Variants in TMEM71 observed in about 807,000 individuals in gnomAD.
TMEM71 encodes the protein transmembrane protein 71.
In TMEM71, 44 loss-of-function variants were observed where a neutral mutation model predicts 38.0. That is an observed-to-expected ratio of 1.16 (90% CI 0.91 to 1.49). The LOEUF is 1.49. Among genes scored for constraint, TMEM71 ranks in the 40% most tolerant of loss-of-function variants. The pLI is 0.00. For missense variants in TMEM71, 367 were observed against 348.6 expected, an observed-to-expected ratio of 1.05 and a Z score of -0.42; for synonymous variants, 133 against 122.5, an observed-to-expected ratio of 1.09 and a Z score of -0.56.
chr8:132,747,071 G>C lies in TMEM71; in HGVS notation c.358C>G (p.Leu120Val). The C allele has an allele frequency of 1.2e-6, 2 of 1,612,488 alleles. No individual in the cohort carries two copies. Reference sequence around the variant, plus strand: ...GATTTGGAGGTACTGAGGTTGAAGAGAGAAGAAAAGGAATGGCAGATTCTC... The same window carrying C: ...GATTTGGAGGTACTGAGGTTGAAGACAGAAGAAAAGGAATGGCAGATTCTC... ...KKRICHSFSSLFNLSTSKSWL... is the reference protein window; with the variant it reads ...KKRICHSFSSVFNLSTSKSWL... The change falls in exon 5 of 10, where the codon CTC (leucine) becomes GTC (valine). Residue 120 changes from leucine (L) to valine (V), a missense_variant. Leu to Val is a conservative substitution (Grantham distance 32). Transcript: ENST00000677595.
chr8:132,762,664 G>A (rs992517577), upstream of TMEM71, among the ~76,000 whole-genome samples: 4 of 152,146 alleles, frequency 2.6e-5, no homozygotes, highest in Admixed American at 2.0e-4. Context: ...TTTTACAGAA[G>A]AGCAAACTGA....
intron 3 of TMEM71, among the ~76,000 whole-genome samples, chr8:132,752,413 A>G (rs1329113430): frequency 6.6e-6 from 1 of 152,196 alleles, no homozygotes; most frequent in Non-Finnish European, 1.5e-5. Context: ...TGTAGCCACC[A>G]GAAACACGGT....
Position 132,710,186 on chromosome 8 carries a change from G to T in TMEM71, c.*781C>A, listed in dbSNP as rs1032062378. ...GAACATCTACAGCCCTTGAGTCAAG[G>T]CTCAAGGGTACAACTGCACCATTTT... On this transcript the variant is annotated 3_prime_UTR_variant, in exon 10 of 10. Coordinates refer to ENST00000677595, the MANE Select transcript of TMEM71 (RefSeq NM_001382403.1). 1.3e-5 allele frequency: 2 copies of T among 152,058 alleles called. No homozygotes were observed. Among genetic ancestry groups the T allele is most frequent in the African/African-American group, 4.8e-5 (2 of 41,436 alleles). The allele number at this position is 152,058 out of a possible 1,614,324, so 9.4% of individuals were successfully genotyped here. A position where few individuals can be genotyped will look rare whatever the true frequency, so the allele number is the denominator to read the frequency against.
chr8:132,747,147 A>G, intron 4 of TMEM71, 33 bp from the exon 5 acceptor site: 1 of 1,524,824 alleles, frequency 6.6e-7, no homozygotes, highest in Non-Finnish European at 8.8e-7. Context: ...TGAACAACGA[A>G]TAATAGTTAC....
chr8:132,748,732 G>A (rs990885220), intron 4 of TMEM71, among the ~76,000 whole-genome samples: 1 of 152,106 alleles, frequency 6.6e-6, no homozygotes, highest in African/African-American at 2.4e-5. Flanking sequence ...TATGGGATGG[G>A]CACTCATCAA....
At chr8:132,768,374 G>A in the TMEM71 span, among the ~76,000 whole-genome samples, 3 of 152,044 alleles carry the variant, frequency 2.0e-5, no homozygotes, top group South Asian at 2.1e-4. Flanking sequence ...AGCAGGGCAC[G>A]GTGGCTTACG....
In TMEM71 at chr8:132,714,072, A is replaced by G; in HGVS notation, c.815-20T>C. 4.3e-6 allele frequency: 7 copies of G among 1,613,996 alleles called. No homozygotes were observed. Among genetic ancestry groups the G allele is most frequent in the Non-Finnish European group, 5.9e-6 (7 of 1,179,884 alleles). ...TCACATCTTGAGTGAAACAGAGAAA[A>G]TATTTTAAAATCATTTTAAAGTGAC... is the stretch of plus-strand genomic sequence containing the variant. On this transcript the variant is annotated intron_variant, in intron 8 of 9. Coordinates refer to ENST00000677595, the MANE Select transcript of TMEM71 (RefSeq NM_001382403.1).
chr8:132,762,171 T>A (rs1308906065), upstream of TMEM71, among the ~76,000 whole-genome samples: 1 of 152,256 alleles, frequency 6.6e-6, no homozygotes, highest in Admixed American at 6.5e-5. Context: ...TTGCTGACTC[T>A]CTGCTGCTTT....
At chr8:132,775,421 C>T in the TMEM71 span, 4 of 385,200 alleles carry the variant, frequency 1.0e-5, no homozygotes, top group Non-Finnish European at 9.1e-6. Flanking sequence ...GCGGCGGCGG[C>T]GGCGATGGCA....
At chr8:132,730,355 T>C (rs1478217609) in intron 5 of TMEM71, among the ~76,000 whole-genome samples, 1 of 152,150 alleles carries the variant, frequency 6.6e-6, no homozygotes, top group Admixed American at 6.5e-5. Flanking sequence ...ACATAAAAGC[T>C]CTCTGTGGAA....
chr8:132,756,411 T>TTATATATA (rs55767264), intron 3 of TMEM71, among the ~76,000 whole-genome samples: 6,063 of 115,238 alleles, frequency 0.053, 254 homozygotes, highest in East Asian at 0.1. Flanking sequence ...AACATATATA[T>TTATATATA]TATATATATA....
At chr8:132,744,231 T>C (rs899704263) in intron 5 of TMEM71, among the ~76,000 whole-genome samples, 2 of 152,194 alleles carry the variant, frequency 1.3e-5, no homozygotes, top group Non-Finnish European at 2.9e-5. Context: ...GTTTCCATTC[T>C]AGTAATAAAA....
At chr8:132,740,231 C>A (rs1389041426) in intron 5 of TMEM71, among the ~76,000 whole-genome samples, 4 of 152,148 alleles carry the variant, frequency 2.6e-5, no homozygotes, top group African/African-American at 9.7e-5. Flanking sequence ...GGCTCTGAGA[C>A]TAGAACTTGT....
At chr8:132,751,110 C>T (rs1828684958) in intron 4 of TMEM71, among the ~76,000 whole-genome samples, 1 of 152,144 alleles carries the variant, frequency 6.6e-6, no homozygotes, top group African/African-American at 2.4e-5. Context: ...TTTATCAATG[C>T]CTGCTCCCTC....
intron 2 of TMEM71, 134 bp from the exon 3 acceptor site, chr8:132,757,428 C>T: frequency 1.1e-5 from 7 of 616,246 alleles, no homozygotes; most frequent in Non-Finnish European, 1.7e-5. Context: ...GATGTTCCAG[C>T]TTCAGCAGGA....
Position 132,714,779 on chromosome 8 carries a change from G to A in TMEM71, c.753-564C>T, listed in dbSNP as rs187660175. On this transcript the variant is annotated intron_variant, in intron 7 of 9. Transcript: ENST00000677595. ...TGCTAAGAGAATGAAAAGACAAGGC[G>A]CAGTCTGTGAGAAAATATTTGCAAA... is the stretch of plus-strand genomic sequence containing the variant. 3.9e-4 allele frequency among the ~76,000 whole-genome samples: 60 copies of A among 152,244 alleles called. 1 individual carries two copies. The highest frequency in any genetic ancestry group is 5.8e-4 in the East Asian group (3 of 5,182).
chr8:132,710,170 C>T lies in TMEM71; in HGVS notation c.*797G>A, dbSNP rs1355447501. The T allele has an allele frequency of 6.6e-6, 1 of 152,114 alleles. No homozygotes were observed. Among genetic ancestry groups the T allele is most frequent in the East Asian group, 1.9e-4 (1 of 5,176 alleles). The allele number at this position is 152,114 out of a possible 1,614,324, so 9.4% of individuals were successfully genotyped here. On this transcript the variant is annotated 3_prime_UTR_variant, in exon 10 of 10. Coordinates refer to ENST00000677595, the MANE Select transcript of TMEM71 (RefSeq NM_001382403.1). ...GTGGGGGGTGGAAAGGGAACATCTACAGCCCTTGAGTCAAGGCTCAAGGGT... is the reference window on the plus strand; with the variant it reads ...GTGGGGGGTGGAAAGGGAACATCTATAGCCCTTGAGTCAAGGCTCAAGGGT...
intron 5 of TMEM71, among the ~76,000 whole-genome samples, chr8:132,742,499 A>G (rs1828099929): frequency 6.6e-6 from 1 of 152,210 alleles, no homozygotes; most frequent in Admixed American, 6.5e-5. Context: ...TTCTCTCCAC[A>G]TACTACTCTT....
chr8:132,731,350 G>C (rs1827444597), intron 5 of TMEM71, among the ~76,000 whole-genome samples: 1 of 152,144 alleles, frequency 6.6e-6, no homozygotes, highest in Admixed American at 6.5e-5. Flanking sequence ...TTTCAAGGTG[G>C]AAGTGATTTT....
Sources: gnomAD v4.1 joint callset for allele counts (sites outside exome capture counted in the v4.1 genomes callset) on GRCh38, gnomAD v4.1.1 for gene constraint, MANE v1.5 for transcripts, NCBI Gene and HGNC (gene_info 2026-07-23, HGNC 2026-07-21) for gene names.